MINDY3: variants seen among roughly 807,000 people sequenced by gnomAD.
MINDY3 encodes ubiquitin carboxyl-terminal hydrolase MINDY-3.
Under a neutral mutation model 69.2 loss-of-function variants are expected in MINDY3, and 38 were observed. The ratio of observed to expected loss-of-function variants is 0.55; its 90% CI spans 0.42 to 0.72. MINDY3 has a LOEUF of 0.72. MINDY3 is among the 30% of genes least tolerant of loss of function. The probability of loss-of-function intolerance (pLI) is 0.00; values close to 1 mark genes in which losing one functional copy is unlikely to be tolerated. For missense variants in MINDY3, 522 were observed against 519.0 expected (o/e 1.01, Z -0.06); for synonymous variants, 192 against 180.1 (o/e 1.07, Z -0.53).
intron 8 of MINDY3, among the ~76,000 whole-genome samples, chr10:15,832,252 C>G (rs1366442219): frequency 6.6e-6 from 1 of 152,012 alleles, no homozygotes; most frequent in East Asian, 1.9e-4. Context: ...GACAGAGGGC[C>G]AAGTGGGATG....
At chr10:15,780,814 G>A (rs1280437377) in intron 14 of MINDY3, among the ~76,000 whole-genome samples, 1 of 152,004 alleles carries the variant, frequency 6.6e-6, no homozygotes, top group Admixed American at 6.6e-5. Flanking sequence ...TCACAAACAT[G>A]ATTTGAAAAC....
Position 15,860,491 on chromosome 10 carries a change from T to A in MINDY3, c.-192A>T. 5.0e-6 allele frequency: 3 copies of A among 600,442 alleles called. No individual in the cohort carries two copies. In the South Asian group the frequency reaches 6.0e-5, roughly 12 times the overall value. 37.2% of individuals were successfully genotyped at this position (600,442 alleles called of 1,614,324 possible). A position where few individuals can be genotyped will look rare whatever the true frequency, so the allele number is the denominator to read the frequency against. ...CAAGCCAGGTTGGGGCAGCAGCGAG[T>A]TTTCCGTACCGGAAGTGCTGGTGCC... is the stretch of plus-strand genomic sequence containing the variant. On this transcript the variant is annotated 5_prime_UTR_variant, in exon 1 of 15. Transcript: ENST00000277632.
In MINDY3 at chr10:15,841,431, T is replaced by C. The variant is rs749327801; in HGVS notation, c.404A>G (p.His135Arg). 4 of 1,606,510 alleles carry C rather than the reference T, an allele frequency of 2.5e-6. No individual in the cohort carries two copies. The highest frequency in any genetic ancestry group is 1.1e-5 in the South Asian group (1 of 89,714). The change falls in exon 4 of 15, where the codon CAT becomes CGT. Residue 135 changes from histidine (H) to arginine (R), a missense_variant. Physicochemically the swap from His to Arg is conservative, Grantham distance 29. Coordinates refer to ENST00000277632, the MANE Select transcript of MINDY3 (RefSeq NM_024948.4). ...GAAATAAAAATATATCTTACAAGAA[T>C]GTTCCACTTGGCAACTAGACTCTGC... ...SPAESSCQVE[H>R]SSALAVEELG...
intron 10 of MINDY3, among the ~76,000 whole-genome samples, chr10:15,801,421 A>G (rs897680805): frequency 6.6e-6 from 1 of 152,150 alleles, no homozygotes; most frequent in Non-Finnish European, 1.5e-5. Flanking sequence ...GATCAGTTCT[A>G]TCAATGCTGT....
intron 10 of MINDY3, among the ~76,000 whole-genome samples, chr10:15,814,906 C>G (rs1452425824): frequency 6.6e-6 from 1 of 152,168 alleles, no homozygotes; most frequent in Non-Finnish European, 1.5e-5. Flanking sequence ...ACAGCTCATT[C>G]GACACTGTTC....
chr10:15,838,012 AG>A, intron 5 of MINDY3: 4 of 980,190 alleles, frequency 4.1e-6, no homozygotes, highest in Non-Finnish European at 4.8e-6. Flanking sequence ...GTTTTTGAAA[AG>A]CGTATCTGGG....
At position 15,789,189 on chromosome 10, in the gene MINDY3, TCTTAAA is replaced by T. The variant is rs142999951; in HGVS notation, c.1028+52_1028+57del. The T allele has an allele frequency of 3.4e-3, 4,765 of 1,390,830 alleles. 126 individuals carry two copies. In the African/African-American group the frequency reaches 0.059, roughly 17 times the overall value. 86.2% of individuals were successfully genotyped at this position (1,390,830 alleles called of 1,614,324 possible). The stretch of plus-strand genomic sequence containing the variant: ...AAAAAGGCAAAAAATGTACAATATG[TCTTAAA>T]CTTAATCGAATCTTTTTGAGTTGGC... On this transcript the variant is annotated intron_variant, in intron 12 of 14. Coordinates refer to ENST00000277632, the MANE Select transcript of MINDY3 (RefSeq NM_024948.4).
At chr10:15,837,367 C>A in intron 5 of MINDY3, 49 bp from the exon 6 acceptor site, 1 of 1,385,202 alleles carries the variant, frequency 7.2e-7, no homozygotes, top group Non-Finnish European at 1.0e-6. Context: ...AGATTAACTA[C>A]ATTCATAAAA....
intron 6 of MINDY3, among the ~76,000 whole-genome samples, chr10:15,836,708 G>A (rs1389493209): frequency 6.6e-6 from 1 of 151,424 alleles, no homozygotes; most frequent in Non-Finnish European, 1.5e-5. Flanking sequence ...ACTGGATCCA[G>A]GGAAGAAAAT....
intron 1 of MINDY3, among the ~76,000 whole-genome samples, chr10:15,852,197 A>G (rs1027557021): frequency 2.6e-5 from 4 of 152,042 alleles, no homozygotes; most frequent in East Asian, 3.9e-4. Flanking sequence ...CCGGTGTTGT[A>G]TCTGTGTTAC....
intron 11 of MINDY3, among the ~76,000 whole-genome samples, chr10:15,791,980 G>C (rs1588518967): frequency 6.6e-6 from 1 of 152,062 alleles, no homozygotes; most frequent in Non-Finnish European, 1.5e-5. Context: ...AACTAACAGA[G>C]AAGCTGGAAA....
chr10:15,781,631 C>G (rs1362630241), intron 14 of MINDY3, among the ~76,000 whole-genome samples: 1 of 152,076 alleles, frequency 6.6e-6, no homozygotes, highest in Non-Finnish European at 1.5e-5. Flanking sequence ...CTAAGTTTCA[C>G]TCCCAGCTCT....
chr10:15,794,285 G>A (rs1837642622), intron 11 of MINDY3, among the ~76,000 whole-genome samples: 1 of 151,998 alleles, frequency 6.6e-6, no homozygotes, highest in Middle Eastern at 3.2e-3. Context: ...CTTACATCCT[G>A]AAACAAAAGC....
intron 10 of MINDY3, among the ~76,000 whole-genome samples, chr10:15,800,890 G>C (rs184203612): frequency 4.3e-4 from 66 of 152,226 alleles, no homozygotes; most frequent in African/African-American, 1.5e-3. Context: ...CTATAGGAAA[G>C]GCACACCTTT....
intron 1 of MINDY3, among the ~76,000 whole-genome samples, chr10:15,857,471 T>C (rs745345143): frequency 6.6e-6 from 1 of 152,188 alleles, no homozygotes; most frequent in African/African-American, 2.4e-5. Context: ...CTTGGAATAC[T>C]GGTGTAGTTT....
chr10:15,831,636 G>GACTTC, intron 8 of MINDY3, among the ~76,000 whole-genome samples: 1 of 150,662 alleles, frequency 6.6e-6, no homozygotes, highest in East Asian at 2.0e-4. Context: ...AGGAAGTAAC[G>GACTTC]ACTTCACGTC....
At chr10:15,809,534 C>G (rs1838857481) in intron 10 of MINDY3, among the ~76,000 whole-genome samples, 1 of 152,144 alleles carries the variant, frequency 6.6e-6, no homozygotes, top group Admixed American at 6.6e-5. Context: ...TGTTCTGCCA[C>G]AGCTCAGATG....
At chr10:15,799,239 G>A (rs1371685380) in intron 10 of MINDY3, among the ~76,000 whole-genome samples, 3 of 151,918 alleles carry the variant, frequency 2.0e-5, no homozygotes, top group African/African-American at 4.8e-5. Flanking sequence ...TTGCTCTGTT[G>A]CCCAGGCTGG....
At chr10:15,818,544 T>A (rs1032801761) in intron 9 of MINDY3, among the ~76,000 whole-genome samples, 1 of 152,076 alleles carries the variant, frequency 6.6e-6, no homozygotes, top group Admixed American at 6.6e-5. Flanking sequence ...CACAAAAAAT[T>A]TGTACATCAA....
Sources: allele counts gnomAD v4.1 joint callset (sites outside exome capture counted in the v4.1 genomes callset), GRCh38; gene constraint gnomAD v4.1.1; transcripts MANE v1.5; gene names NCBI Gene and HGNC (gene_info 2026-07-23, HGNC 2026-07-21).